The following CDH1 variants were observed in gnomAD, a reference collection of about 807,000 sequenced individuals.
CDH1 encodes cadherin-1.
Under a neutral mutation model 84.5 loss-of-function variants are expected in CDH1, and 35 were observed. That is an observed-to-expected ratio of 0.41 (90% CI 0.32 to 0.55). CDH1 has a LOEUF of 0.55. CDH1 is among the 20% of genes least tolerant of loss of function. The probability of loss-of-function intolerance (pLI) is 0.19; values close to 1 mark genes in which losing one functional copy is unlikely to be tolerated. For missense variants in CDH1, 994 were observed against 1,126.6 expected (o/e 0.88, Z 1.68); for synonymous variants, 417 against 439.0 (o/e 0.95, Z 0.63).
In CDH1 at chr16:68,784,009, T is replaced by C. The variant is rs189443846; in HGVS notation, c.164-17661T>C. On this transcript the variant is annotated intron_variant, in intron 2 of 15. Coordinates refer to ENST00000261769, the MANE Select transcript of CDH1 (RefSeq NM_004360.5). Reference sequence around the variant, plus strand: ...TTTTTAATTTTTGCATCATTTTCCATTGAGTGGATGCCCATCATTGATTTA... The same window carrying C: ...TTTTTAATTTTTGCATCATTTTCCACTGAGTGGATGCCCATCATTGATTTA... Among the ~76,000 whole-genome samples the C allele has an allele frequency of 1.9e-3, 293 of 152,244 alleles. 1 individual carries two copies. Among genetic ancestry groups the C allele is most frequent in the Non-Finnish European group, 1.6e-3 (112 of 68,016 alleles).
chr16:68,742,077 T>A (rs1372617103), intron 2 of CDH1, among the ~76,000 whole-genome samples: 1 of 152,174 alleles, frequency 6.6e-6, no homozygotes, highest in Non-Finnish European at 1.5e-5. Flanking sequence ...AGTATTAGCC[T>A]AGTAACCACA....
chr16:68,831,242 CT>C (rs756724201), intron 15 of CDH1, among the ~76,000 whole-genome samples: 5,113 of 132,380 alleles, frequency 0.039, 239 homozygotes, highest in African/African-American at 0.11. Context: ...TCAAGCCTGG[CT>C]TTTTTTTTTT....
rs757587966 is a variant in CDH1, at chr16:68,823,532, G to T, written c.2070G>T (p.Gly690=). 2 of 1,614,022 alleles carry T rather than the reference G, an allele frequency of 1.2e-6. No homozygotes were observed. Among genetic ancestry groups the T allele is most frequent in the South Asian group, 2.2e-5 (2 of 91,060 alleles). ...AGGTCAGCGTGTGTGACTGTGAAGG[G>T]GCCGCTGGCGTCTGTAGGAAGGCAC... The part of the protein sequence containing the change: ...TLEVSVCDCE[G]AAGVCRKAQP... Residue 690 remains glycine, a synonymous_variant, in exon 13 of 16, where the codon GGG becomes GGT. Coordinates refer to ENST00000261769, the MANE Select transcript of CDH1 (RefSeq NM_004360.5).
intron 2 of CDH1, among the ~76,000 whole-genome samples, chr16:68,780,950 T>A (rs1959860897): frequency 6.6e-6 from 1 of 152,204 alleles, no homozygotes; most frequent in Non-Finnish European, 1.5e-5. Flanking sequence ...GCAAGCTCAA[T>A]GCGGCTACTG....
intron 2 of CDH1, among the ~76,000 whole-genome samples, chr16:68,739,278 A>G (rs1277328028): frequency 6.6e-6 from 1 of 152,004 alleles, no homozygotes; most frequent in Non-Finnish European, 1.5e-5. Context: ...TTAGCCGGGC[A>G]TGGTGGCGTG....
At chr16:68,804,102 CTTTTTTTTT>C (rs10563852) in intron 3 of CDH1, among the ~76,000 whole-genome samples, 1 of 75,070 alleles carries the variant, frequency 1.3e-5, no homozygotes, top group Non-Finnish European at 2.6e-5. Flanking sequence ...ATCTGTCTGC[CTTTTTTTTT>C]TTTTTTTTTT....
At chr16:68,745,324 A>C (rs1962692250) in intron 2 of CDH1, among the ~76,000 whole-genome samples, 2 of 151,216 alleles carry the variant, frequency 1.3e-5, no homozygotes, top group Admixed American at 1.3e-4. Flanking sequence ...CTCTACAAAG[A>C]TTAAAAAAAA....
intron 11 of CDH1, among the ~76,000 whole-genome samples, chr16:68,820,533 G>T (rs1282964890): frequency 1.6e-4 from 25 of 151,924 alleles, no homozygotes; most frequent in Admixed American, 1.6e-3. Context: ...TGTATTTTTA[G>T]TAGAAACGGG....
At chr16:68,808,014 A>G (rs1960711217) in intron 3 of CDH1, among the ~76,000 whole-genome samples, 1 of 152,220 alleles carries the variant, frequency 6.6e-6, no homozygotes, top group South Asian at 2.1e-4. Context: ...CAGAGGTTCC[A>G]GTGAGACAAG....
chr16:68,809,063 C>T (rs777944683), intron 5 of CDH1: 31 of 581,992 alleles, frequency 5.3e-5, no homozygotes, highest in Non-Finnish European at 8.0e-5. Context: ...AAGGAGAATC[C>T]GCATGCATCC....
chr16:68,788,328 G>T (rs73559199), intron 2 of CDH1, among the ~76,000 whole-genome samples: 1 of 152,116 alleles, frequency 6.6e-6, no homozygotes, highest in Non-Finnish European at 1.5e-5. Context: ...CCCACTGTAA[G>T]TGTACAGTTA....
rs889358029 is a variant in CDH1, at chr16:68,823,992, C to CTTTTTTTTT, written c.2164+380_2164+388dup. Among the ~76,000 whole-genome samples, 97 of 99,894 alleles carry CTTTTTTTTT rather than the reference C, an allele frequency of 9.7e-4. 2 individuals are homozygous for CTTTTTTTTT. Among genetic ancestry groups the CTTTTTTTTT allele is most frequent in the African/African-American group, 3.3e-3 (78 of 23,900 alleles). 65.5% of individuals were successfully genotyped at this position (99,894 alleles called of 152,430 possible). The stretch of plus-strand genomic sequence containing the variant: ...GCATAGGGCCACAGATTCTGCATTT[C>CTTTTTTTTT]TTTTTTTTTTTTTTTTTTTTTTGAG... On this transcript the variant is annotated intron_variant, in intron 13 of 15. Coordinates refer to ENST00000261769, the MANE Select transcript of CDH1 (RefSeq NM_004360.5).
At chr16:68,784,062 T>C (rs1170598164) in intron 2 of CDH1, among the ~76,000 whole-genome samples, 1 of 152,206 alleles carries the variant, frequency 6.6e-6, no homozygotes, top group Non-Finnish European at 1.5e-5. Context: ...GATGTGTCTA[T>C]CTTTTGCCAC....
chr16:68,828,470 C>T lies in CDH1; in HGVS notation c.2295+166C>T, dbSNP rs143044978. 7.9e-3 allele frequency among the ~76,000 whole-genome samples: 1,198 copies of T among 152,298 alleles called. 9 individuals are homozygous for T. Among genetic ancestry groups the T allele is most frequent in the Non-Finnish European group, 0.012 (839 of 68,020 alleles). ...TTGTCATTGACCATCATCATCATCA[C>T]ATCATCACCAACACAGCTAACATTT... On this transcript the variant is annotated intron_variant, in intron 14 of 15. Transcript: ENST00000261769.
chr16:68,778,866 T>C (rs1959801095), intron 2 of CDH1, among the ~76,000 whole-genome samples: 1 of 152,116 alleles, frequency 6.6e-6, no homozygotes, highest in African/African-American at 2.4e-5. Flanking sequence ...TCCTATGGAA[T>C]TGATTGAGGG....
intron 2 of CDH1, among the ~76,000 whole-genome samples, chr16:68,752,633 G>A (rs1962913626): frequency 6.6e-6 from 1 of 152,078 alleles, no homozygotes; most frequent in Non-Finnish European, 1.5e-5. Flanking sequence ...ATTAGCCACA[G>A]AGAAGGGAGG....
At chr16:68,813,848 C>G (rs767824951) in intron 9 of CDH1, among the ~76,000 whole-genome samples, 4 of 151,904 alleles carry the variant, frequency 2.6e-5, no homozygotes, top group African/African-American at 9.7e-5. Context: ...AGGAGAATTG[C>G]TTGAACCTGG....
At position 68,813,304 on chromosome 16, in the gene CDH1, G is replaced by A. The variant is rs1960888944; in HGVS notation, c.1138-9G>A. The stretch of plus-strand genomic sequence containing the variant: ...TACTTTGTAAATGACACATCTCTTT[G>A]CTCTGCAGTACAAGGGTCAGGTGCC... On this transcript the variant is annotated splice_polypyrimidine_tract_variant and intron_variant, in intron 8 of 15. Coordinates refer to ENST00000261769, the MANE Select transcript of CDH1 (RefSeq NM_004360.5). 6.2e-7 allele frequency: 1 copy of A among 1,613,882 alleles called. No individual in the cohort carries two copies. Among genetic ancestry groups the A allele is most frequent in the African/African-American group, 1.3e-5 (1 of 74,912 alleles).
At chr16:68,795,424 T>C (rs1481170074) in intron 2 of CDH1, among the ~76,000 whole-genome samples, 1 of 152,230 alleles carries the variant, frequency 6.6e-6, no homozygotes, top group Non-Finnish European at 1.5e-5. Context: ...TCCTCCTGCC[T>C]TGGCTTCGCA....
Sources: allele counts gnomAD v4.1 joint callset (sites outside exome capture counted in the v4.1 genomes callset), GRCh38; gene constraint gnomAD v4.1.1; transcripts MANE v1.5; gene names NCBI Gene and HGNC (gene_info 2026-07-23, HGNC 2026-07-21).